Variants in CLMP observed in about 807,000 individuals in gnomAD.
The protein encoded by CLMP is CXADR like cell adhesion molecule, also known as CXADR-like membrane protein.
Under a neutral mutation model 45.2 loss-of-function variants are expected in CLMP, and 27 were observed. The ratio of observed to expected loss-of-function variants is 0.60; its 90% confidence interval spans 0.44 to 0.82. The LOEUF (loss-of-function observed/expected upper bound fraction) is 0.82. CLMP is among the 40% of genes least tolerant of loss of function. The pLI is 0.00. For synonymous variants in CLMP, 167 were observed against 171.4 expected, an observed-to-expected ratio of 0.97 and a Z score of 0.20; for missense variants, 403 against 448.4, an observed-to-expected ratio of 0.90 and a Z score of 0.91.
chr11:123,114,219 T>C (rs968710171), intron 1 of CLMP, among the ~76,000 whole-genome samples: 2 of 152,164 alleles, frequency 1.3e-5, no homozygotes, highest in South Asian at 2.1e-4. Context: ...CCAGGAAGAA[T>C]TGAGATTATG....
chr11:123,128,393 G>A lies in CLMP; in HGVS notation c.29-30441C>T, dbSNP rs1351632260. 2.6e-5 allele frequency among the ~76,000 whole-genome samples: 3 copies of A among 114,666 alleles called. No homozygotes were observed. The East Asian group carries it at 8.0e-4, about 31-fold the overall frequency. 75.2% of individuals were successfully genotyped at this position (114,666 alleles called of 152,430 possible). A position where few individuals can be genotyped will look rare whatever the true frequency, so the allele number is the denominator to read the frequency against. On this transcript the variant is annotated intron_variant, in intron 1 of 6. Transcript: ENST00000448775. ...AATGCCAGCATGGTAGCTCAGGCCT[G>A]TAATCCTGGCATGGTGGCTCAGGCC... is the stretch of plus-strand genomic sequence containing the variant.
intron 1 of CLMP, among the ~76,000 whole-genome samples, chr11:123,125,581 C>G: frequency 7.7e-6 from 1 of 130,148 alleles, no homozygotes; most frequent in African/African-American, 2.8e-5. Context: ...CCCTCCCTCC[C>G]TCCTTTCTTT....
intron 2 of CLMP, among the ~76,000 whole-genome samples, chr11:123,092,806 G>T (rs1027296256): frequency 6.7e-6 from 1 of 150,364 alleles, no homozygotes; most frequent in Non-Finnish European, 1.5e-5. Context: ...CACCATATTG[G>T]TCAAGCTGCC....
intron 1 of CLMP, among the ~76,000 whole-genome samples, chr11:123,112,348 T>G (rs554693740): frequency 1.3e-5 from 2 of 151,434 alleles, no homozygotes; most frequent in East Asian, 3.9e-4. Flanking sequence ...CTTTTTTTTT[T>G]TTTTTTGAGA....
chr11:123,122,421 A>G (rs1860832525), intron 1 of CLMP, among the ~76,000 whole-genome samples: 1 of 152,154 alleles, frequency 6.6e-6, no homozygotes, highest in Non-Finnish European at 1.5e-5. Context: ...GTGTCTGTCG[A>G]CTGCGATACT....
chr11:123,167,372 A>G (rs1248306483), intron 1 of CLMP, among the ~76,000 whole-genome samples: 1 of 151,852 alleles, frequency 6.6e-6, no homozygotes. Flanking sequence ...TGCAAGCTCC[A>G]CCTCCTGGGT....
At chr11:123,189,367 C>T (rs1484435790) in intron 1 of CLMP, among the ~76,000 whole-genome samples, 1 of 152,204 alleles carries the variant, frequency 6.6e-6, no homozygotes, top group African/African-American at 2.4e-5. Context: ...TGTTTACTCG[C>T]AGTGTATTCT....
intron 1 of CLMP, among the ~76,000 whole-genome samples, chr11:123,113,173 C>A (rs1860666842): frequency 6.6e-6 from 1 of 152,218 alleles, no homozygotes; most frequent in Non-Finnish European, 1.5e-5. Context: ...GTGGGTACCA[C>A]AAATTAGCAG....
chr11:123,148,975 A>C (rs1233051028), intron 1 of CLMP, among the ~76,000 whole-genome samples: 1 of 152,062 alleles, frequency 6.6e-6, no homozygotes. Flanking sequence ...CGGAGCATTC[A>C]CTCATTGCTT....
At chr11:123,088,555 G>C (rs1227628642) in intron 2 of CLMP, among the ~76,000 whole-genome samples, 1 of 152,146 alleles carries the variant, frequency 6.6e-6, no homozygotes, top group Non-Finnish European at 1.5e-5. Flanking sequence ...TAGGAACTTT[G>C]GGGTTTTGTG....
chr11:123,176,618 CA>C (rs1591487603), intron 1 of CLMP, among the ~76,000 whole-genome samples: 3 of 152,182 alleles, frequency 2.0e-5, no homozygotes, highest in East Asian at 3.9e-4. Context: ...GGCTCCTTAG[CA>C]CCAGCTGGGG....
chr11:123,102,585 T>G (rs1250477660), intron 1 of CLMP, among the ~76,000 whole-genome samples: 1 of 150,688 alleles, frequency 6.6e-6, no homozygotes, highest in South Asian at 2.1e-4. Flanking sequence ...AGCCAGGTTT[T>G]TTTTTTTTTT....
At chr11:123,091,349 C>A (rs1865930118) in intron 2 of CLMP, among the ~76,000 whole-genome samples, 1 of 152,206 alleles carries the variant, frequency 6.6e-6, no homozygotes, top group Non-Finnish European at 1.5e-5. Flanking sequence ...AAGCGACCTG[C>A]CCACCTCAGT....
chr11:123,150,536 C>A (rs1170100440), intron 1 of CLMP, among the ~76,000 whole-genome samples: 6 of 55,786 alleles, frequency 1.1e-4, no homozygotes, highest in African/African-American at 4.6e-4. Flanking sequence ...AGGAAAGAAA[C>A]AAGCAAGGAA....
intron 1 of CLMP, among the ~76,000 whole-genome samples, chr11:123,161,117 T>C (rs1565400622): frequency 1.3e-5 from 2 of 152,204 alleles, no homozygotes; most frequent in African/African-American, 2.4e-5. Context: ...CAAAGGTATG[T>C]ACTAGGTATG....
intron 1 of CLMP, among the ~76,000 whole-genome samples, chr11:123,144,295 G>A (rs7937991): frequency 0.06 from 9,096 of 152,292 alleles, 362 homozygotes; most frequent in African/African-American, 0.11. Context: ...AATCTGCAAT[G>A]CATTGTAGAT....
At chr11:123,190,012 A>C (rs929267412) in intron 1 of CLMP, among the ~76,000 whole-genome samples, 3 of 152,022 alleles carry the variant, frequency 2.0e-5, no homozygotes, top group Middle Eastern at 3.4e-3. Context: ...AAAAAAAAAA[A>C]AAAAAAAAAA....
In CLMP at chr11:123,090,901, G is replaced by C. The variant is rs573532443; in HGVS notation, c.187-6188C>G. Among the ~76,000 whole-genome samples the C allele has an allele frequency of 3.3e-5, 5 of 152,244 alleles. No individual in the cohort carries two copies. In the South Asian group the frequency reaches 1.0e-3, roughly 32 times the overall value. ...GTACAATTTTCTTAGTGCTTATATA[G>C]GTTGTGGTTATGTGCCTATGTGCAG... is the stretch of plus-strand genomic sequence containing the variant. On this transcript the variant is annotated intron_variant, in intron 2 of 6. Transcript: ENST00000448775.
chr11:123,103,208 TTAAGAAGGAGCTTTG>T (rs1284505256), intron 1 of CLMP, among the ~76,000 whole-genome samples: 1 of 152,154 alleles, frequency 6.6e-6, no homozygotes, highest in Non-Finnish European at 1.5e-5. Context: ...CTAAGCTTTG[TTAAGAAGGAGCTTTG>T]TAAGAAGGAG....
Sources: allele counts gnomAD v4.1 joint callset (sites outside exome capture counted in the v4.1 genomes callset), GRCh38; gene constraint gnomAD v4.1.1; transcripts MANE v1.5; gene names NCBI Gene and HGNC (gene_info 2026-07-23, HGNC 2026-07-21).